Variants in ST3GAL3 observed in about 807,000 individuals in gnomAD.
The protein encoded by ST3GAL3 is ST3 beta-galactoside alpha-2,3-sialyltransferase 3, also known as CMP-N-acetylneuraminate-beta-1,4-galactoside alpha-2,3-sialyltransferase.
ST3GAL3 carries 21 observed loss-of-function variants against 50.1 expected under a neutral mutation model. The observed-to-expected ratio is 0.42, with a 90% confidence interval of 0.30 to 0.60. The LOEUF (loss-of-function observed/expected upper bound fraction) is 0.60, where lower values mean the gene tolerates loss of function less well. Ranked by LOEUF, ST3GAL3 falls within the 20% of genes least tolerant of loss-of-function variation. ST3GAL3 has a pLI of 0.19. For missense variants in ST3GAL3, 353 were observed against 489.4 expected, an observed-to-expected ratio of 0.72 and a Z score of 2.63; for synonymous variants, 183 against 190.0, an observed-to-expected ratio of 0.96 and a Z score of 0.30.
At chr1:43,732,980 CTTT>C (rs11320852) in intron 1 of ST3GAL3, among the ~76,000 whole-genome samples, 54 of 143,856 alleles carry the variant, frequency 3.8e-4, no homozygotes, top group Non-Finnish European at 6.4e-4. Flanking sequence ...ATAAAAAATA[CTTT>C]TTTTTTTTTT....
intron 6 of ST3GAL3, among the ~76,000 whole-genome samples, chr1:43,897,488 T>C (rs746158578): frequency 1.3e-5 from 2 of 152,302 alleles, no homozygotes; most frequent in South Asian, 2.1e-4. Flanking sequence ...CTATACATCA[T>C]ATTATAGTGC....
At chr1:43,911,367 T>TTATGG (rs2080798049) in intron 9 of ST3GAL3, 1 of 150,906 alleles carries the variant, frequency 6.6e-6, no homozygotes, top group Admixed American at 6.6e-5. Flanking sequence ...ACAAGGCTTC[T>TTATGG]TATGGTATGG....
At position 43,750,799 on chromosome 1, in the gene ST3GAL3, C is replaced by T. The variant is rs527715124; in HGVS notation, c.118+14419C>T. ...TGTAGTCTCAGCTACTTAGGAGGCTCAGTGAGCCATGTTCATGCCTGAGCT... is the reference window on the plus strand; with the variant it reads ...TGTAGTCTCAGCTACTTAGGAGGCTTAGTGAGCCATGTTCATGCCTGAGCT... On this transcript the variant is annotated intron_variant, in intron 2 of 11. Coordinates refer to ENST00000347631, the MANE Select transcript of ST3GAL3 (RefSeq NM_006279.5). Among the ~76,000 whole-genome samples, 4 of 151,608 alleles carry T rather than the reference C, an allele frequency of 2.6e-5. No homozygotes were observed. The South Asian group carries it at 8.3e-4, about 32-fold the overall frequency.
intron 5 of ST3GAL3, among the ~76,000 whole-genome samples, chr1:43,856,816 G>A (rs979998735): frequency 1.3e-5 from 2 of 152,102 alleles, no homozygotes; most frequent in African/African-American, 2.4e-5. Context: ...TGAGCTTACT[G>A]CCTCCTCCAT....
chr1:43,835,021 C>T (rs2064100577), intron 4 of ST3GAL3, among the ~76,000 whole-genome samples: 2 of 152,164 alleles, frequency 1.3e-5, no homozygotes, highest in South Asian at 4.1e-4. Context: ...TCCAGCCTGT[C>T]CATCTGGATT....
intron 9 of ST3GAL3, among the ~76,000 whole-genome samples, chr1:43,903,108 A>G (rs1448276306): frequency 6.6e-6 from 1 of 152,208 alleles, no homozygotes; most frequent in Non-Finnish European, 1.5e-5. Flanking sequence ...AGGGAACAGC[A>G]TGTGTAGACC....
intron 1 of ST3GAL3, among the ~76,000 whole-genome samples, chr1:43,733,820 T>A (rs1323116901): frequency 6.6e-6 from 1 of 152,204 alleles, no homozygotes; most frequent in African/African-American, 2.4e-5. Context: ...ATCTTCTCAC[T>A]TAAGAACCTC....
intron 2 of ST3GAL3, among the ~76,000 whole-genome samples, chr1:43,789,900 A>G (rs182008415): frequency 7.5e-4 from 114 of 151,714 alleles, no homozygotes; most frequent in African/African-American, 2.5e-3. Context: ...AGTAGAATTT[A>G]TAAGAGTTAG....
chr1:43,788,418 G>A (rs1232074265), intron 2 of ST3GAL3, among the ~76,000 whole-genome samples: 1 of 152,150 alleles, frequency 6.6e-6, no homozygotes, highest in East Asian at 1.9e-4. Flanking sequence ...TTCTTCAGGG[G>A]AATGTGATCT....
chr1:43,793,400 T>A (rs1163125612), intron 3 of ST3GAL3, among the ~76,000 whole-genome samples: 1 of 152,208 alleles, frequency 6.6e-6, no homozygotes, highest in Non-Finnish European at 1.5e-5. Flanking sequence ...ACTCTTTTAA[T>A]TATTTCAAAA....
chr1:43,848,351 G>C (rs1453525728), intron 5 of ST3GAL3, among the ~76,000 whole-genome samples: 3 of 137,932 alleles, frequency 2.2e-5, no homozygotes, highest in South Asian at 2.3e-4. Context: ...TGTTGCCCAG[G>C]CTGGAGTGCA....
intron 4 of ST3GAL3, among the ~76,000 whole-genome samples, chr1:43,832,071 G>T (rs913955415): frequency 6.6e-6 from 1 of 152,214 alleles, no homozygotes; most frequent in African/African-American, 2.4e-5. Context: ...GAAATAAAGT[G>T]TGGAAGCAAA....
At chr1:43,821,473 A>G (rs575126914) in intron 4 of ST3GAL3, among the ~76,000 whole-genome samples, 1 of 152,278 alleles carries the variant, frequency 6.6e-6, no homozygotes, top group East Asian at 1.9e-4. Flanking sequence ...ATATAAAGGA[A>G]CACAGTTTTA....
rs956590790 is a variant in ST3GAL3, at chr1:43,930,699, C to T, written c.*478C>T. On this transcript the variant is annotated 3_prime_UTR_variant, in exon 12 of 12. Transcript: ENST00000347631. ...TTAGCTCCCTGTGGGGCAGGAGTGC[C>T]AGGACCAGCCTGTACCTTGCTGTGG... 1.0e-5 allele frequency: 3 copies of T among 292,300 alleles called. No homozygotes were observed. Among genetic ancestry groups the T allele is most frequent in the Non-Finnish European group, 2.0e-5 (3 of 148,498 alleles). The allele number at this position is 292,300 out of a possible 1,614,324, so 18.1% of individuals were successfully genotyped here. A position where few individuals can be genotyped will look rare whatever the true frequency, so the allele number is the denominator to read the frequency against.
intron 5 of ST3GAL3, chr1:43,858,160 C>CA: frequency 7.8e-7 from 1 of 1,289,350 alleles, no homozygotes; most frequent in South Asian, 1.2e-5. Flanking sequence ...TGCATGGAGA[C>CA]AAAAACATAT....
intron 2 of ST3GAL3, among the ~76,000 whole-genome samples, chr1:43,758,873 A>G (rs1689112506): frequency 6.6e-6 from 1 of 151,808 alleles, no homozygotes; most frequent in Admixed American, 6.6e-5. Context: ...CCAAATAATA[A>G]TGGTAAATAA....
chr1:43,744,834 T>C (rs536300352), intron 2 of ST3GAL3, among the ~76,000 whole-genome samples: 1 of 151,210 alleles, frequency 6.6e-6, no homozygotes, highest in South Asian at 2.1e-4. Context: ...CTAATAATAA[T>C]ACAAAAATTA....
chr1:43,824,741 ACT>A, intron 4 of ST3GAL3: 2 of 1,613,830 alleles, frequency 1.2e-6, no homozygotes, highest in Non-Finnish European at 1.7e-6. Context: ...CTCACCGAGG[ACT>A]CTCTGCACGG....
At chr1:43,760,268 C>T (rs550921349) in intron 2 of ST3GAL3, among the ~76,000 whole-genome samples, 10 of 152,306 alleles carry the variant, frequency 6.6e-5, no homozygotes, top group East Asian at 5.8e-4. Flanking sequence ...TTCTGAAAAA[C>T]TTACATCTGC....
Sources: gnomAD v4.1 joint callset for allele counts (sites outside exome capture counted in the v4.1 genomes callset) on GRCh38, gnomAD v4.1.1 for gene constraint, MANE v1.5 for transcripts, NCBI Gene and HGNC (gene_info 2026-07-23, HGNC 2026-07-21) for gene names.